PROSER2: variants seen among roughly 807,000 people sequenced by gnomAD.
The protein encoded by PROSER2 is proline and serine rich 2, also known as proline and serine-rich protein 2.
In PROSER2, 18 loss-of-function variants were observed where a neutral mutation model predicts 14.6. The observed-to-expected ratio is 1.23, with a 90% CI of 0.85 to 1.83. PROSER2 has a LOEUF of 1.83. Ranked by LOEUF, PROSER2 falls within the 40% of genes most tolerant of loss-of-function variation. The probability of loss-of-function intolerance (pLI) is 0.00; values close to 1 mark genes in which losing one functional copy is unlikely to be tolerated. For synonymous variants in PROSER2, 367 were observed against 286.4 expected (o/e 1.28, Z -2.84); for missense variants, 823 against 629.8 (o/e 1.31, Z -3.28).
intron 1 of PROSER2, among the ~76,000 whole-genome samples, chr10:11,829,294 G>A (rs990603269): frequency 9.9e-5 from 15 of 151,490 alleles, no homozygotes; most frequent in South Asian, 4.2e-4. Flanking sequence ...TTTTTTAAAA[G>A]TATTACATAC....
intron 1 of PROSER2, among the ~76,000 whole-genome samples, chr10:11,839,133 G>A (rs1029770745): frequency 6.6e-6 from 1 of 152,148 alleles, no homozygotes. Context: ...TAAAAGATGG[G>A]TCCTTCAGTA....
chr10:11,825,543 A>T (rs1196570623), intron 1 of PROSER2, among the ~76,000 whole-genome samples: 1 of 152,210 alleles, frequency 6.6e-6, no homozygotes, highest in Non-Finnish European at 1.5e-5. Context: ...GCCTGTGTTC[A>T]TGGAGGCACT....
chr10:11,864,205 T>G (rs1834299352), intron 2 of PROSER2, among the ~76,000 whole-genome samples: 1 of 152,238 alleles, frequency 6.6e-6, no homozygotes, highest in Admixed American at 6.5e-5. Flanking sequence ...AGGATCCTAG[T>G]TCACAATTTA....
rs7084516 is a variant in PROSER2 at position 11,837,823 on chromosome 10, C to T, written c.-81-14174C>T. Among the ~76,000 whole-genome samples the T allele has an allele frequency of 0.096, 14,592 of 152,162 alleles. 920 individuals carry two copies. The highest frequency in any genetic ancestry group is 0.14 in the Non-Finnish European group (9,384 of 67,998). ...CCAGCTTAGATTCTTCAGTAAAGTGCGTTGGGTTAACCGTTCCCTGGTTAG... is the reference window on the plus strand; with the variant it reads ...CCAGCTTAGATTCTTCAGTAAAGTGTGTTGGGTTAACCGTTCCCTGGTTAG... On this transcript the variant is annotated intron_variant, in intron 1 of 3. Coordinates refer to ENST00000277570, the MANE Select transcript of PROSER2 (RefSeq NM_153256.4). The surrounding 1 kb of genome is among the most constrained non-coding windows in gnomAD (Gnocchi z 4.6).
intron 2 of PROSER2, among the ~76,000 whole-genome samples, chr10:11,853,597 C>A (rs1834070345): frequency 6.6e-6 from 1 of 152,038 alleles, no homozygotes; most frequent in African/African-American, 2.4e-5. Context: ...AAAAGAAATG[C>A]CCAGCACCCA....
rs1016223242 is a variant in PROSER2 at position 11,823,398 on chromosome 10, G to T, written c.-154G>T. 2 of 153,304 alleles carry T rather than the reference G, an allele frequency of 1.3e-5. No individual in the cohort carries two copies. Among genetic ancestry groups the T allele is most frequent in the Non-Finnish European group, 2.9e-5 (2 of 69,556 alleles). The allele number at this position is 153,304 out of a possible 1,614,324, so 9.5% of individuals were successfully genotyped here. On this transcript the variant is annotated 5_prime_UTR_variant, in exon 1 of 4. Coordinates refer to ENST00000277570, the MANE Select transcript of PROSER2 (RefSeq NM_153256.4). The surrounding 1 kb of genome is among the most constrained non-coding windows in gnomAD (Gnocchi z 6.2). ...CGTCCCGGAACAGTCTGCGCCAGACGGGCGGCGGCGTGAGGGCTCCGGGTC... is the reference window on the plus strand; with the variant it reads ...CGTCCCGGAACAGTCTGCGCCAGACTGGCGGCGGCGTGAGGGCTCCGGGTC...
In PROSER2 at chr10:11,869,594, A is replaced by G. The variant is rs767614041; in HGVS notation, c.496A>G (p.Ser166Gly). Residue 166 changes from serine to glycine, a missense_variant, in exon 4 of 4, where the codon AGC becomes GGC. Physicochemically the swap from Ser to Gly is moderately conservative, Grantham distance 56 (BLOSUM62 0). Transcript: ENST00000277570. This position sits in a 1 kb window ranked among gnomAD's most constrained non-coding sequence, Gnocchi z 4.4. ...CCTTCTTGCGCCACCACCCCTGCCT[A>G]GCACCCCCGATCCCCCCAGGAGGGA... ...ETLLAPPPLP[S>G]TPDPPRRELR... is the part of the protein sequence containing the mutation. 6 of 1,602,488 alleles carry G rather than the reference A, an allele frequency of 3.7e-6. No homozygotes were observed. Among genetic ancestry groups the G allele is most frequent in the Non-Finnish European group, 5.1e-6 (6 of 1,172,558 alleles).
chr10:11,870,162 C>A lies in PROSER2; in HGVS notation c.1064C>A (p.Ala355Glu). ...FPSAHEALKS[A>E]PSSFAPAGKS... is the part of the protein sequence containing the mutation. ...AGTGCGCACGAGGCCCTGAAGAGCGCACCCAGCTCCTTCGCGCCCGCTGGG... is the reference window on the plus strand; with the variant it reads ...AGTGCGCACGAGGCCCTGAAGAGCGAACCCAGCTCCTTCGCGCCCGCTGGG... The change falls in exon 4 of 4, where the codon GCA becomes GAA. Residue 355 changes from alanine to glutamate, a missense_variant. Coordinates refer to ENST00000277570, the MANE Select transcript of PROSER2 (RefSeq NM_153256.4). 6.8e-7 allele frequency: 1 copy of A among 1,471,204 alleles called. No individual in the cohort carries two copies. Among genetic ancestry groups the A allele is most frequent in the Non-Finnish European group, 8.9e-7 (1 of 1,118,468 alleles). 91.1% of individuals were successfully genotyped at this position (1,471,204 alleles called of 1,614,324 possible). A position where few individuals can be genotyped will look rare whatever the true frequency, so the allele number is the denominator to read the frequency against.
chr10:11,826,341 T>C (rs562118493), intron 1 of PROSER2, among the ~76,000 whole-genome samples: 2 of 152,326 alleles, frequency 1.3e-5, no homozygotes, highest in African/African-American at 2.4e-5. Context: ...TGAACCGTTG[T>C]GTACAAGTTT....
chr10:11,867,264 C>CAAAAAAAAA (rs10560433), intron 3 of PROSER2, among the ~76,000 whole-genome samples: 8 of 51,824 alleles, frequency 1.5e-4, no homozygotes, highest in African/African-American at 3.4e-4. Context: ...GACTCCGTCT[C>CAAAAAAAAA]AAAAAAAAAA....
rs79496333 is a variant in PROSER2 at position 11,830,941 on chromosome 10, C to T, written c.-82+7471C>T. The stretch of plus-strand genomic sequence containing the variant: ...GCCCAGAGAGGAGGTGGTTACTGGC[C>T]TCACCTTACTGACATCATCCATCAT... On this transcript the variant is annotated intron_variant, in intron 1 of 3. Coordinates refer to ENST00000277570, the MANE Select transcript of PROSER2 (RefSeq NM_153256.4). This position sits in a 1 kb window ranked among gnomAD's most constrained non-coding sequence, Gnocchi z 4.5. 6.6e-6 allele frequency among the ~76,000 whole-genome samples: 1 copy of T among 152,058 alleles called. No homozygotes were observed.
chr10:11,854,558 G>A (rs1315341328), intron 2 of PROSER2, among the ~76,000 whole-genome samples: 2 of 151,940 alleles, frequency 1.3e-5, no homozygotes, highest in Admixed American at 6.6e-5. Flanking sequence ...CAATCCTCCT[G>A]CCTCAGCCTT....
chr10:11,833,693 A>G (rs1833718993), intron 1 of PROSER2, among the ~76,000 whole-genome samples: 1 of 152,192 alleles, frequency 6.6e-6, no homozygotes, highest in Non-Finnish European at 1.5e-5. Context: ...CTCCATCTCA[A>G]AACACAAAAA....
Position 11,856,963 on chromosome 10 carries a change from C to A in PROSER2, c.138+4748C>A, listed in dbSNP as rs549496769. On this transcript the variant is annotated intron_variant, in intron 2 of 3. Coordinates refer to ENST00000277570, the MANE Select transcript of PROSER2 (RefSeq NM_153256.4). This position sits in a 1 kb window ranked among gnomAD's most constrained non-coding sequence, Gnocchi z 5.3. ...ACCCCGCCCTTTCATGCTGCCTTCT[C>A]ACCCAGCTGGAATCCAAATGGTCCT... Among the ~76,000 whole-genome samples, 24 of 152,238 alleles carry A rather than the reference C, an allele frequency of 1.6e-4. No homozygotes were observed. Among genetic ancestry groups the A allele is most frequent in the African/African-American group, 5.8e-4 (24 of 41,470 alleles).
chr10:11,855,865 T>G (rs1388146715), intron 2 of PROSER2, among the ~76,000 whole-genome samples: 4 of 152,254 alleles, frequency 2.6e-5, no homozygotes, highest in Non-Finnish European at 5.9e-5. Context: ...GCCACAATTA[T>G]GACTGAGGCT....
chr10:11,869,367 G>T lies in PROSER2; in HGVS notation c.392-123G>T. The T allele has an allele frequency of 1.5e-6, 1 of 688,384 alleles. No homozygotes were observed. The allele number at this position is 688,384 out of a possible 1,614,324, so 42.6% of individuals were successfully genotyped here. ...ACAGGGAGAGAGGAGTTGACTCACA[G>T]GCAGCACCGGCGAAGTTGGTGTCAG... is the stretch of plus-strand genomic sequence containing the variant. On this transcript the variant is annotated intron_variant, in intron 3 of 3. Transcript: ENST00000277570. This position sits in a 1 kb window ranked among gnomAD's most constrained non-coding sequence, Gnocchi z 4.4.
chr10:11,825,814 G>C (rs1044221053), intron 1 of PROSER2, among the ~76,000 whole-genome samples: 1 of 152,160 alleles, frequency 6.6e-6, no homozygotes, highest in Non-Finnish European at 1.5e-5. Flanking sequence ...GTGTCTCTTC[G>C]GACTAGGTAT....
At chr10:11,834,307 C>A (rs1243391698) in intron 1 of PROSER2, among the ~76,000 whole-genome samples, 1 of 150,880 alleles carries the variant, frequency 6.6e-6, no homozygotes, top group African/African-American at 2.4e-5. Flanking sequence ...GTAGCACTTT[C>A]ATAGGAGACC....
Position 11,872,261 on chromosome 10 carries a change from T to C in PROSER2, c.*1855T>C, listed in dbSNP as rs942784866. 1.3e-5 allele frequency: 2 copies of C among 152,232 alleles called. No homozygotes were observed. The highest frequency in any genetic ancestry group is 4.8e-5 in the African/African-American group (2 of 41,452). The allele number at this position is 152,232 out of a possible 1,614,324, so 9.4% of individuals were successfully genotyped here. A position where few individuals can be genotyped will look rare whatever the true frequency, so the allele number is the denominator to read the frequency against. ...TAATCACATTTTTGAAAAATAAATT[T>C]AAGAGTTTTTTCTTAAGTAAGCTTG... On this transcript the variant is annotated 3_prime_UTR_variant, in exon 4 of 4. Transcript: ENST00000277570.
Sources: allele counts gnomAD v4.1 joint callset (sites outside exome capture counted in the v4.1 genomes callset), GRCh38; gene constraint gnomAD v4.1.1; non-coding constraint Gnocchi (gnomAD v3.1); transcripts MANE v1.5; gene names NCBI Gene and HGNC (gene_info 2026-07-23, HGNC 2026-07-21).